The following MICAL3 variants were observed in gnomAD, a reference collection of about 807,000 sequenced individuals.
MICAL3 encodes [F-actin]-monooxygenase MICAL3.
In MICAL3, 62 loss-of-function variants were observed where a neutral mutation model predicts 207.4. The observed-to-expected ratio is 0.30, with a 90% CI of 0.24 to 0.37. MICAL3 has a LOEUF of 0.37. Among genes scored for constraint, MICAL3 ranks in the 10% least tolerant of loss-of-function variants. The probability of loss-of-function intolerance (pLI) is 1.00; values close to 1 mark genes in which losing one functional copy is unlikely to be tolerated. For missense variants in MICAL3, 2,368 were observed against 2,635.6 expected (o/e 0.90, Z 2.22); for synonymous variants, 1,077 against 1,069.3 (o/e 1.01, Z -0.14).
At chr22:17,889,304 C>A in intron 12 of MICAL3, 74 bp from the exon 13 acceptor site, 1 of 1,104,612 alleles carries the variant, frequency 9.1e-7, no homozygotes, top group South Asian at 1.6e-5. Flanking sequence ...ATCCTGGAGT[C>A]ATCGTCCTTT....
intron 1 of MICAL3, among the ~76,000 whole-genome samples, chr22:17,959,619 GT>G (rs1404463011): frequency 6.6e-6 from 1 of 152,208 alleles, no homozygotes; most frequent in Non-Finnish European, 1.5e-5. Flanking sequence ...CTCAGGGCCT[GT>G]TTTATATGGA....
intron 13 of MICAL3, among the ~76,000 whole-genome samples, chr22:17,888,560 T>C (rs1345748525): frequency 6.6e-6 from 1 of 152,080 alleles, no homozygotes; most frequent in African/African-American, 2.4e-5. Context: ...TGCTCAACAA[T>C]GCAGAAAAGC....
At chr22:17,824,084 G>C (rs1324576943) in intron 22 of MICAL3, among the ~76,000 whole-genome samples, 2 of 144,886 alleles carry the variant, frequency 1.4e-5, no homozygotes, top group East Asian at 2.0e-4. Context: ...CCCTAAGCAC[G>C]CACACACCGT....
At chr22:17,980,768 T>C (rs1470459886) in intron 1 of MICAL3, 2 of 462,730 alleles carry the variant, frequency 4.3e-6, no homozygotes, top group African/African-American at 3.9e-5. Flanking sequence ...GCCCGTCTTA[T>C]CATTCCGCGG....
At position 17,893,814 on chromosome 22, in the gene MICAL3, G is replaced by A. The variant is rs770576459; in HGVS notation, c.1540C>T (p.Arg514Cys). The change falls in exon 11 of 32, where the codon CGC becomes TGC. Residue 514 changes from arginine to cysteine, a missense_variant. This residue lies in a region of MICAL3 where 147 missense variants were observed against 137.7 expected (regional missense o/e 1.07). Coordinates refer to ENST00000441493, the MANE Select transcript of MICAL3 (RefSeq NM_015241.3). The part of the protein sequence containing the change: ...VNSRTTPKLT[R>C]NESVARSSKL... Reference sequence around the variant, plus strand: ...AGCCACCACCAGAACTCACCATTGCGAGTCAATTTGGGGGTGGTTCGGGAA... The same window carrying A: ...AGCCACCACCAGAACTCACCATTGCAAGTCAATTTGGGGGTGGTTCGGGAA... 7 of 1,570,192 alleles carry A rather than the reference G, an allele frequency of 4.5e-6. No homozygotes were observed. The highest frequency in any genetic ancestry group is 3.4e-4 in the Middle Eastern group (2 of 5,814).
Position 17,791,078 on chromosome 22 carries a change from A to C in MICAL3, c.5751-7T>G. On this transcript the variant is annotated splice_region_variant and splice_polypyrimidine_tract_variant and intron_variant, in intron 30 of 31. Transcript: ENST00000441493. The stretch of plus-strand genomic sequence containing the variant: ...CAGCTCCAGCTCCCGGGCACTGAGG[A>C]GGCAGGGCAGGAGGGAGACAAGCCA... 2 of 1,610,624 alleles carry C rather than the reference A, an allele frequency of 1.2e-6. No homozygotes were observed. Among genetic ancestry groups the C allele is most frequent in the South Asian group, 1.1e-5 (1 of 90,812 alleles).
intron 1 of MICAL3, among the ~76,000 whole-genome samples, chr22:17,942,565 G>A (rs2146340042): frequency 6.6e-6 from 1 of 152,340 alleles, no homozygotes; most frequent in South Asian, 2.1e-4. Context: ...GACGCTCAGA[G>A]ACCTCACCGA....
rs1338696401 is a variant in MICAL3 at position 17,817,676 on chromosome 22, G to C, written c.4985C>G (p.Thr1662Ser). ...CTCGCTGGTGGCTTCATGCTTCAGG[G>C]TGGGCTCCTCGGAGCCCCTGAGAGT... is the stretch of plus-strand genomic sequence containing the variant. ...RPTLRGSEEPTLKHEATSEEV... is the reference protein window; with the variant it reads ...RPTLRGSEEPSLKHEATSEEV... The change falls in exon 26 of 32, where the codon ACC (threonine) becomes AGC (serine). Residue 1662 changes from threonine (T) to serine (S), a missense_variant. Coordinates refer to ENST00000441493, the MANE Select transcript of MICAL3 (RefSeq NM_015241.3). 5.6e-6 allele frequency: 9 copies of C among 1,609,914 alleles called. No homozygotes were observed. The highest frequency in any genetic ancestry group is 7.6e-6 in the Non-Finnish European group (9 of 1,178,878).
At chr22:17,975,540 C>T (rs780561887) in intron 1 of MICAL3, among the ~76,000 whole-genome samples, 3 of 152,128 alleles carry the variant, frequency 2.0e-5, no homozygotes, top group Non-Finnish European at 2.9e-5. Context: ...AGGACTTATA[C>T]TCACTTGTTC....
At chr22:17,875,682 TAAAAA>T (rs60415785) in intron 16 of MICAL3, 95 of 170,666 alleles carry the variant, frequency 5.6e-4, no homozygotes, top group South Asian at 1.3e-3. Context: ...CCATGTATAG[TAAAAA>T]AAAAAAAAAA....
At chr22:17,943,194 G>A (rs985136621) in intron 1 of MICAL3, among the ~76,000 whole-genome samples, 1 of 151,864 alleles carries the variant, frequency 6.6e-6, no homozygotes, top group African/African-American at 2.4e-5. Flanking sequence ...ATGGAGTCTC[G>A]CTCTGTCACC....
intron 1 of MICAL3, among the ~76,000 whole-genome samples, chr22:17,978,414 T>C (rs9605468): frequency 0.27 from 40,819 of 152,006 alleles, 5,899 homozygotes; most frequent in African/African-American, 0.37. Context: ...GTAACTCCTA[T>C]GGGTACAAGG....
intron 29 of MICAL3, among the ~76,000 whole-genome samples, chr22:17,807,440 C>T (rs1480439452): frequency 6.6e-6 from 1 of 152,226 alleles, no homozygotes; most frequent in East Asian, 1.9e-4. Context: ...ACATCCCAGT[C>T]GTCTCAGCCT....
At chr22:17,873,732 C>T (rs974435154) in intron 16 of MICAL3, among the ~76,000 whole-genome samples, 5 of 152,286 alleles carry the variant, frequency 3.3e-5, no homozygotes, top group African/African-American at 1.2e-4. Context: ...GGAGAAACTT[C>T]CACGTCTCCA....
chr22:17,904,519 T>C, intron 3 of MICAL3, 113 bp downstream of exon 3: 1 of 805,636 alleles, frequency 1.2e-6, no homozygotes. Context: ...AGTAATGAGA[T>C]TAGAAGAAAT....
At chr22:17,966,322 C>T (rs1333703215) in intron 1 of MICAL3, among the ~76,000 whole-genome samples, 1 of 152,168 alleles carries the variant, frequency 6.6e-6, no homozygotes, top group Admixed American at 6.5e-5. Context: ...TTCCCCACAC[C>T]TGAGCGCTCC....
rs2061872916 is a variant in MICAL3 at position 17,796,035 on chromosome 22, C to T, written c.5651-4734G>A. ...GAAGTTTTTTGGTTTTTCTCAACAT[C>T]AGGGTAACGGGTTTCCATCTGTTGC... On this transcript the variant is annotated intron_variant, in intron 29 of 31. Transcript: ENST00000441493. The surrounding 1 kb of genome is among the most constrained non-coding windows in gnomAD (Gnocchi z 4.4). 6.6e-6 allele frequency among the ~76,000 whole-genome samples: 1 copy of T among 152,206 alleles called. No individual in the cohort carries two copies. The highest frequency in any genetic ancestry group is 1.5e-5 in the Non-Finnish European group (1 of 68,034).
intron 19 of MICAL3, among the ~76,000 whole-genome samples, chr22:17,849,311 A>G (rs978857620): frequency 1.3e-5 from 2 of 152,184 alleles, no homozygotes; most frequent in African/African-American, 2.4e-5. Context: ...CCTAGTCTCT[A>G]AGAGTCCTTC....
In MICAL3 at chr22:17,892,050, G is replaced by A. The variant is rs574400180; in HGVS notation, c.1547-418C>T. Among the ~76,000 whole-genome samples, 3 of 152,312 alleles carry A rather than the reference G, an allele frequency of 2.0e-5. No homozygotes were observed. The East Asian group carries it at 5.8e-4, about 29-fold the overall frequency. ...CCCTCCAAAGTAACACTGGGAAGAGGAGAGGAGAAAAGGCTCCATTCTATA... is the reference window on the plus strand; with the variant it reads ...CCCTCCAAAGTAACACTGGGAAGAGAAGAGGAGAAAAGGCTCCATTCTATA... On this transcript the variant is annotated intron_variant, in intron 11 of 31. Transcript: ENST00000441493.
Sources: allele counts gnomAD v4.1 joint callset (sites outside exome capture counted in the v4.1 genomes callset), GRCh38; gene constraint gnomAD v4.1.1; regional missense constraint gnomAD v4.1.1; non-coding constraint Gnocchi (gnomAD v3.1); transcripts MANE v1.5; gene names NCBI Gene and HGNC (gene_info 2026-07-23, HGNC 2026-07-21).